Variants in PCDH15 observed in about 807,000 individuals in gnomAD.
The protein encoded by PCDH15 is protocadherin related 15, also known as protocadherin-15.
A neutral mutation model predicts 178.5 loss-of-function variants in PCDH15; 129 were observed. The ratio of observed to expected loss-of-function variants is 0.72; its 90% CI spans 0.63 to 0.84. The LOEUF (loss-of-function observed/expected upper bound fraction) is 0.84, where lower values mean the gene tolerates loss of function less well. Ranked by LOEUF, PCDH15 falls within the 40% of genes least tolerant of loss-of-function variation. PCDH15 has a pLI of 0.00. For synonymous variants in PCDH15, 800 were observed against 732.0 expected (o/e 1.09, Z -1.50); for missense variants, 2,230 against 2,099.9 (o/e 1.06, Z -1.21).
intron 8 of PCDH15, among the ~76,000 whole-genome samples, chr10:54,282,028 ACTTTGTGCT>A (rs1325939832): frequency 6.6e-6 from 1 of 152,086 alleles, no homozygotes; most frequent in Non-Finnish European, 1.5e-5. Flanking sequence ...ATAACAGTTG[ACTTTGTGCT>A]CTTTGACATT....
chr10:55,314,683 A>G (rs1843679229), intron 1 of PCDH15, among the ~76,000 whole-genome samples: 1 of 152,192 alleles, frequency 6.6e-6, no homozygotes, highest in Non-Finnish European at 1.5e-5. Flanking sequence ...AATCCAAAAC[A>G]AAGGCATCAA....
chr10:54,618,139 G>A (rs1408611783), intron 2 of PCDH15, among the ~76,000 whole-genome samples: 3 of 151,966 alleles, frequency 2.0e-5, no homozygotes, highest in Non-Finnish European at 4.4e-5. Flanking sequence ...AAGAGGTAAT[G>A]TATTTTGATA....
At chr10:54,768,955 T>C (rs977798664) in intron 1 of PCDH15, among the ~76,000 whole-genome samples, 1 of 152,142 alleles carries the variant, frequency 6.6e-6, no homozygotes, top group Non-Finnish European at 1.5e-5. Flanking sequence ...AGTGTAAAAC[T>C]TTTGGACTTG....
At chr10:55,356,147 G>A (rs1845073325) in intron 2 of PCDH15, among the ~76,000 whole-genome samples, 1 of 151,792 alleles carries the variant, frequency 6.6e-6, no homozygotes, top group Non-Finnish European at 1.5e-5. Context: ...GCAAATTGCT[G>A]CCCTGTGTTC....
chr10:54,718,620 A>G (rs2095509319), intron 1 of PCDH15, among the ~76,000 whole-genome samples: 1 of 151,794 alleles, frequency 6.6e-6, no homozygotes, highest in Non-Finnish European at 1.5e-5. Context: ...ATAAAGAACC[A>G]GAGAAACAAC....
chr10:54,472,623 TAA>T (rs2077995484), intron 3 of PCDH15, among the ~76,000 whole-genome samples: 1 of 152,068 alleles, frequency 6.6e-6, no homozygotes, highest in Non-Finnish European at 1.5e-5. Context: ...AAGGAACATA[TAA>T]GAGACACAAA....
At chr10:53,831,692 T>C (rs903494216) in intron 29 of PCDH15, among the ~76,000 whole-genome samples, 159 bp from the exon 30 acceptor site, 1 of 129,514 alleles carries the variant, frequency 7.7e-6, no homozygotes, top group Non-Finnish European at 1.7e-5. Flanking sequence ...ATAAAAAGCA[T>C]AAGCAATAAA....
chr10:55,020,690 A>T (rs1840306376), intron 2 of PCDH15, among the ~76,000 whole-genome samples: 1 of 152,280 alleles, frequency 6.6e-6, no homozygotes, highest in East Asian at 1.9e-4. Context: ...TTCGTTCCTA[A>T]ATAAGATGGC....
intron 2 of PCDH15, among the ~76,000 whole-genome samples, chr10:55,388,992 G>A (rs1837729479): frequency 6.6e-6 from 1 of 152,070 alleles, no homozygotes; most frequent in South Asian, 2.1e-4. Context: ...TTGAATGAAG[G>A]ATGAAGACCA....
chr10:55,344,853 C>T (rs375854131), intron 2 of PCDH15, among the ~76,000 whole-genome samples: 20 of 151,976 alleles, frequency 1.3e-4, no homozygotes, highest in African/African-American at 4.1e-4. Flanking sequence ...AAAAAAGGTC[C>T]AAGGATTGCA....
At chr10:54,665,743 C>T (rs1051856243) in intron 1 of PCDH15, among the ~76,000 whole-genome samples, 1 of 151,926 alleles carries the variant, frequency 6.6e-6, no homozygotes, top group African/African-American at 2.4e-5. Flanking sequence ...ATAAAAGGAG[C>T]TGCCTTCTTT....
At chr10:54,773,711 C>T (rs1340337327) in intron 1 of PCDH15, among the ~76,000 whole-genome samples, 1 of 152,148 alleles carries the variant, frequency 6.6e-6, no homozygotes, top group Non-Finnish European at 1.5e-5. Context: ...CAATAACCTG[C>T]CCTTTTCACC....
intron 2 of PCDH15, among the ~76,000 whole-genome samples, chr10:54,539,322 G>A (rs1050605995): frequency 1.5e-4 from 23 of 152,088 alleles, no homozygotes; most frequent in African/African-American, 5.6e-4. Flanking sequence ...TGGAACAAGG[G>A]TCACTATTGT....
At chr10:55,281,372 GT>G (rs573227151) in intron 1 of PCDH15, among the ~76,000 whole-genome samples, 13 of 149,744 alleles carry the variant, frequency 8.7e-5, no homozygotes, top group African/African-American at 2.5e-4. Flanking sequence ...TAAATTTCAT[GT>G]TTTTTTTTAA....
At chr10:55,131,043 A>G (rs180705056) in intron 2 of PCDH15, among the ~76,000 whole-genome samples, 24 of 152,268 alleles carry the variant, frequency 1.6e-4, no homozygotes, top group South Asian at 1.5e-3. Flanking sequence ...CTTAAAAAAA[A>G]ATGCCCGAAG....
intron 1 of PCDH15, among the ~76,000 whole-genome samples, chr10:55,259,955 A>G (rs562526007): frequency 1.3e-5 from 2 of 149,512 alleles, no homozygotes; most frequent in East Asian, 3.9e-4. Context: ...AGCTAAGAAG[A>G]GAAAAACAGA....
At chr10:54,471,036 A>G (rs1237454348) in intron 3 of PCDH15, among the ~76,000 whole-genome samples, 1 of 152,206 alleles carries the variant, frequency 6.6e-6, no homozygotes, top group African/African-American at 2.4e-5. Flanking sequence ...AAAATTAACT[A>G]ATATCCTTCC....
intron 2 of PCDH15, among the ~76,000 whole-genome samples, chr10:54,542,092 A>C (rs978161189): frequency 9.2e-5 from 14 of 152,234 alleles, no homozygotes; most frequent in African/African-American, 2.9e-4. Flanking sequence ...TTAGCTGTCC[A>C]GTTGTGACAG....
intron 7 of PCDH15, among the ~76,000 whole-genome samples, chr10:54,326,540 T>C (rs1037238975): frequency 1.3e-5 from 2 of 152,190 alleles, no homozygotes; most frequent in Admixed American, 6.5e-5. Context: ...CTTTTTTGTT[T>C]GCTAACTAGC....
Sources: gnomAD v4.1 joint callset for allele counts (sites outside exome capture counted in the v4.1 genomes callset) on GRCh38, gnomAD v4.1.1 for gene constraint, MANE v1.5 for transcripts, NCBI Gene and HGNC (gene_info 2026-07-23, HGNC 2026-07-21) for gene names.